The following PRKCE variants were observed in gnomAD, a reference collection of about 807,000 sequenced individuals.
PRKCE encodes protein kinase C epsilon type.
In PRKCE, 16 loss-of-function variants were observed where a neutral mutation model predicts 85.4. That is an observed-to-expected ratio of 0.19 (90% CI 0.13 to 0.28). The LOEUF (loss-of-function observed/expected upper bound fraction) is 0.28, where lower values mean the gene tolerates loss of function less well. PRKCE is among the 10% of genes least tolerant of loss of function. PRKCE has a pLI of 1.00. For synonymous variants in PRKCE, 388 were observed against 371.5 expected, an observed-to-expected ratio of 1.04 and a Z score of -0.51; for missense variants, 573 against 975.2, an observed-to-expected ratio of 0.59 and a Z score of 5.49.
chr2:45,846,550 T>A (rs1055404417), intron 2 of PRKCE, among the ~76,000 whole-genome samples: 1 of 152,174 alleles, frequency 6.6e-6, no homozygotes, highest in African/African-American at 2.4e-5. Context: ...AACACGTACC[T>A]CACAAATGAT....
intron 1 of PRKCE, among the ~76,000 whole-genome samples, chr2:45,789,997 A>C (rs575479828): frequency 6.0e-4 from 91 of 152,336 alleles, no homozygotes; most frequent in African/African-American, 2.1e-3. Flanking sequence ...CCAAAGATTT[A>C]TCTCTGGTCC....
intron 2 of PRKCE, among the ~76,000 whole-genome samples, chr2:45,885,544 T>A (rs1558794162): frequency 6.6e-6 from 1 of 152,202 alleles, no homozygotes; most frequent in East Asian, 1.9e-4. Flanking sequence ...ACCACTTCAT[T>A]TAAAAAAGTT....
At chr2:46,131,606 C>T (rs1368120197) in intron 11 of PRKCE, among the ~76,000 whole-genome samples, 1 of 152,260 alleles carries the variant, frequency 6.6e-6, no homozygotes, top group East Asian at 1.9e-4. Flanking sequence ...CACCATTGCC[C>T]CAACTAACCT....
intron 11 of PRKCE, among the ~76,000 whole-genome samples, chr2:46,125,015 T>G (rs1192880436): frequency 1.3e-5 from 2 of 152,270 alleles, no homozygotes; most frequent in Non-Finnish European, 2.9e-5. Context: ...CAATGGTGTC[T>G]TGCCTTGTTC....
chr2:45,965,144 G>T (rs557733443), intron 2 of PRKCE, among the ~76,000 whole-genome samples: 22 of 152,286 alleles, frequency 1.4e-4, no homozygotes, highest in African/African-American at 5.1e-4. Flanking sequence ...AGATAGCATC[G>T]AATAATCTCT....
At chr2:46,019,230 C>G (rs887449469) in intron 10 of PRKCE, among the ~76,000 whole-genome samples, 1 of 152,192 alleles carries the variant, frequency 6.6e-6, no homozygotes, top group Non-Finnish European at 1.5e-5. Flanking sequence ...GGAGTTTGTA[C>G]TTTCTCCCCA....
intron 1 of PRKCE, among the ~76,000 whole-genome samples, chr2:45,761,061 C>G (rs902986714): frequency 6.6e-6 from 1 of 152,116 alleles, no homozygotes; most frequent in Non-Finnish European, 1.5e-5. Context: ...GGCATGGTGG[C>G]TCACGCCTGT....
chr2:46,153,638 T>C (rs1442116925), intron 13 of PRKCE, among the ~76,000 whole-genome samples: 1 of 152,142 alleles, frequency 6.6e-6, no homozygotes, highest in Non-Finnish European at 1.5e-5. Context: ...AGAAAACATC[T>C]GCCAGGGTGG....
intron 1 of PRKCE, among the ~76,000 whole-genome samples, chr2:45,738,155 T>C (rs1054928379): frequency 2.6e-5 from 4 of 152,206 alleles, no homozygotes; most frequent in Non-Finnish European, 2.9e-5. Context: ...CCTGCAACTA[T>C]TACCAGATTT....
chr2:46,101,004 G>C (rs1418880359), intron 11 of PRKCE, among the ~76,000 whole-genome samples: 1 of 152,048 alleles, frequency 6.6e-6, no homozygotes, highest in Non-Finnish European at 1.5e-5. Flanking sequence ...TGAATAGCTG[G>C]GATTACAAGC....
intron 1 of PRKCE, among the ~76,000 whole-genome samples, chr2:45,711,030 C>G (rs571556816): frequency 1.5e-4 from 23 of 152,190 alleles, no homozygotes; most frequent in Non-Finnish European, 2.5e-4. Flanking sequence ...GTTGCTGCCC[C>G]CTCCCTGTCC....
At chr2:45,750,321 C>T (rs927905542) in intron 1 of PRKCE, among the ~76,000 whole-genome samples, 2 of 152,192 alleles carry the variant, frequency 1.3e-5, no homozygotes, top group African/African-American at 4.8e-5. Context: ...AATTATTCTG[C>T]TTTCTCTCTC....
At chr2:45,944,544 A>G (rs1027312833) in intron 2 of PRKCE, among the ~76,000 whole-genome samples, 1 of 151,876 alleles carries the variant, frequency 6.6e-6, no homozygotes, top group Non-Finnish European at 1.5e-5. Context: ...GCTGGAGTAC[A>G]GTGATGTGAT....
chr2:45,898,552 G>C (rs1029620948), intron 2 of PRKCE, among the ~76,000 whole-genome samples: 4 of 152,222 alleles, frequency 2.6e-5, no homozygotes, highest in Non-Finnish European at 5.9e-5. Flanking sequence ...GAGTAAGTCA[G>C]ATGTCCCCTG....
At chr2:45,965,810 A>G (rs1388531096) in intron 2 of PRKCE, among the ~76,000 whole-genome samples, 2 of 151,934 alleles carry the variant, frequency 1.3e-5, no homozygotes, top group Non-Finnish European at 2.9e-5. Flanking sequence ...TTTTATACAA[A>G]TAAATACACA....
intron 2 of PRKCE, among the ~76,000 whole-genome samples, chr2:45,911,293 C>T (rs1697363403): frequency 6.6e-6 from 1 of 152,226 alleles, no homozygotes; most frequent in South Asian, 2.1e-4. Context: ...ACCTTCCCTA[C>T]CTTTCTTCTC....
chr2:45,777,473 C>A (rs952798644), intron 1 of PRKCE, among the ~76,000 whole-genome samples: 2 of 151,984 alleles, frequency 1.3e-5, no homozygotes, highest in African/African-American at 4.8e-5. Flanking sequence ...GCAGTGGCGC[C>A]CACGAGCTAA....
At chr2:46,007,384 A>C (rs1054635564) in intron 8 of PRKCE, 78 bp from the exon 9 acceptor site, 4 of 1,417,694 alleles carry the variant, frequency 2.8e-6, no homozygotes, top group Non-Finnish European at 3.9e-6. Flanking sequence ...TTACAGGGGA[A>C]AGTCTGAGTG....
intron 1 of PRKCE, among the ~76,000 whole-genome samples, chr2:45,737,271 A>T (rs149860906): frequency 2.6e-5 from 4 of 152,342 alleles, no homozygotes; most frequent in Non-Finnish European, 4.4e-5. Flanking sequence ...GTCTTGGCTC[A>T]CTTACAGATT....
Sources: gnomAD v4.1 joint callset for allele counts (sites outside exome capture counted in the v4.1 genomes callset) on GRCh38, gnomAD v4.1.1 for gene constraint, MANE v1.5 for transcripts, NCBI Gene and HGNC (gene_info 2026-07-23, HGNC 2026-07-21) for gene names.